GRID2: variants seen among roughly 807,000 people sequenced by gnomAD.
The protein encoded by GRID2 is glutamate receptor ionotropic, delta-2.
GRID2 carries 33 observed loss-of-function variants against 114.8 expected under a neutral mutation model. The observed-to-expected ratio is 0.29, with a 90% CI of 0.22 to 0.38. The LOEUF (loss-of-function observed/expected upper bound fraction) is 0.38. GRID2 is among the 10% of genes least tolerant of loss of function. The pLI is 1.00. For missense variants in GRID2, 1,184 were observed against 1,257.7 expected, an observed-to-expected ratio of 0.94 and a Z score of 0.89; for synonymous variants, 505 against 449.9, an observed-to-expected ratio of 1.12 and a Z score of -1.55.
chr4:92,423,369 G>T (rs1425128559), intron 1 of GRID2, among the ~76,000 whole-genome samples: 1 of 152,072 alleles, frequency 6.6e-6, no homozygotes, highest in South Asian at 2.1e-4. Context: ...TTTTCTATTA[G>T]AAGTTAGAGA....
chr4:92,813,741 T>C (rs962967160), intron 2 of GRID2, among the ~76,000 whole-genome samples: 7 of 152,090 alleles, frequency 4.6e-5, no homozygotes, highest in Non-Finnish European at 8.8e-5. Context: ...AACCATATTA[T>C]AAGTCAGTGT....
At chr4:93,463,046 G>A (rs1723901901) in intron 11 of GRID2, among the ~76,000 whole-genome samples, 1 of 152,112 alleles carries the variant, frequency 6.6e-6, no homozygotes, top group South Asian at 2.1e-4. Flanking sequence ...CAACATCTCT[G>A]TTGTTGTTAA....
chr4:92,880,617 A>T (rs1278500162), intron 2 of GRID2, among the ~76,000 whole-genome samples: 3 of 152,236 alleles, frequency 2.0e-5, no homozygotes, highest in African/African-American at 7.2e-5. Context: ...ATATTTAAGG[A>T]TACCAATTAG....
chr4:92,357,759 C>CTTTG (rs1728399971), intron 1 of GRID2, among the ~76,000 whole-genome samples: 1 of 151,690 alleles, frequency 6.6e-6, no homozygotes, highest in Non-Finnish European at 1.5e-5. Flanking sequence ...CTTTGAGTCA[C>CTTTG]AGTATTTTAA....
chr4:93,546,110 G>A (rs576240742), intron 13 of GRID2, among the ~76,000 whole-genome samples: 3 of 152,128 alleles, frequency 2.0e-5, no homozygotes, highest in African/African-American at 7.2e-5. Flanking sequence ...ACCTGATAGT[G>A]AATTGCATAT....
chr4:92,602,951 T>C (rs1312445988), intron 2 of GRID2, among the ~76,000 whole-genome samples: 2 of 152,084 alleles, frequency 1.3e-5, no homozygotes, highest in African/African-American at 2.4e-5. Flanking sequence ...CAATTCACAA[T>C]TGCTACAAAA....
At chr4:93,794,591 C>A (rs1356105858) in intron 1 of GRID2, among the ~76,000 whole-genome samples, 1 of 152,140 alleles carries the variant, frequency 6.6e-6, no homozygotes, top group African/African-American at 2.4e-5. Flanking sequence ...TTCTTCAAAG[C>A]GTCTCGGCGA....
At chr4:93,744,175 A>C (rs756631373) in intron 14 of GRID2, among the ~76,000 whole-genome samples, 2 of 152,176 alleles carry the variant, frequency 1.3e-5, no homozygotes, top group African/African-American at 2.4e-5. Flanking sequence ...ACGAACTCTA[A>C]TAGTAATGAA....
At chr4:92,527,866 G>A (rs902276362) in intron 1 of GRID2, among the ~76,000 whole-genome samples, 3 of 151,758 alleles carry the variant, frequency 2.0e-5, no homozygotes, top group African/African-American at 7.3e-5. Context: ...TGTGAACATA[G>A]CATTATTGCT....
chr4:93,189,181 T>C (rs1477545689), intron 4 of GRID2, among the ~76,000 whole-genome samples: 1 of 152,172 alleles, frequency 6.6e-6, no homozygotes, highest in South Asian at 2.1e-4. Flanking sequence ...AATTCTGTGT[T>C]TGTCAGTTTG....
intron 13 of GRID2, among the ~76,000 whole-genome samples, chr4:93,622,731 C>A (rs11728147): frequency 0.14 from 21,029 of 152,162 alleles, 1,795 homozygotes; most frequent in Non-Finnish European, 0.19. Flanking sequence ...GCACAGTTAA[C>A]TGGACTGAAG....
chr4:92,541,130 C>T lies in GRID2; in HGVS notation c.89-49001C>T, dbSNP rs573062257. Reference sequence around the variant, plus strand: ...GACACAGGAAGGAGAACATCACACACTGGGGCCTGTTGTAGGGTGGGGAGA... The same window carrying T: ...GACACAGGAAGGAGAACATCACACATTGGGGCCTGTTGTAGGGTGGGGAGA... On this transcript the variant is annotated intron_variant, in intron 1 of 15. Coordinates refer to ENST00000282020, the MANE Select transcript of GRID2 (RefSeq NM_001510.4). Among the ~76,000 whole-genome samples, 32 of 151,934 alleles carry T rather than the reference C, an allele frequency of 2.1e-4. No homozygotes were observed. The East Asian group carries it at 4.3e-3, about 20-fold the overall frequency.
chr4:93,781,173 A>G (rs1032401829), intron 1 of GRID2, among the ~76,000 whole-genome samples: 1 of 152,214 alleles, frequency 6.6e-6, no homozygotes, highest in Admixed American at 6.5e-5. Flanking sequence ...GAAAGGATAG[A>G]ATTGAGAATC....
chr4:92,384,955 T>A (rs1560599524), intron 1 of GRID2, among the ~76,000 whole-genome samples: 1 of 151,196 alleles, frequency 6.6e-6, no homozygotes, highest in African/African-American at 2.4e-5. Flanking sequence ...GCATCACCAA[T>A]ATACACAATG....
intron 1 of GRID2, among the ~76,000 whole-genome samples, chr4:92,545,793 G>A (rs1347244560): frequency 2.6e-5 from 4 of 152,182 alleles, no homozygotes; most frequent in South Asian, 2.1e-4. Context: ...GCAATTGCAC[G>A]TTCATATGTA....
At chr4:93,186,247 G>A (rs931245813) in intron 4 of GRID2, among the ~76,000 whole-genome samples, 3 of 151,958 alleles carry the variant, frequency 2.0e-5, no homozygotes, top group Non-Finnish European at 2.9e-5. Flanking sequence ...TATATACTTG[G>A]GTATATACCC....
chr4:93,152,867 T>TA (rs981850097), intron 4 of GRID2, among the ~76,000 whole-genome samples: 2 of 152,154 alleles, frequency 1.3e-5, no homozygotes, highest in African/African-American at 2.4e-5. Flanking sequence ...AAGCATAGTT[T>TA]AAAAAAATCC....
At chr4:93,357,998 T>A (rs1761512503) in intron 8 of GRID2, among the ~76,000 whole-genome samples, 1 of 151,554 alleles carries the variant, frequency 6.6e-6, no homozygotes, top group Non-Finnish European at 1.5e-5. Context: ...TTTCAAAATA[T>A]TATTATTCTT....
At position 92,993,470 on chromosome 4, in the gene GRID2, ATAAT is replaced by A. The variant is rs143504072; in HGVS notation, c.245-91524_245-91521del. Among the ~76,000 whole-genome samples the A allele has an allele frequency of 1.4e-3, 212 of 152,266 alleles. 1 individual carries two copies. Among genetic ancestry groups the A allele is most frequent in the African/African-American group, 5.0e-3 (209 of 41,566 alleles). Reference sequence around the variant, plus strand: ...AATATTTCTATTATAAAACTATTAAATAATAGGGAATACAAAATTTTTCAATATT... The same window carrying A: ...AATATTTCTATTATAAAACTATTAAAAGGGAATACAAAATTTTTCAATATT... On this transcript the variant is annotated intron_variant, in intron 2 of 15. Transcript: ENST00000282020.
Sources: allele counts gnomAD v4.1 joint callset (sites outside exome capture counted in the v4.1 genomes callset), GRCh38; gene constraint gnomAD v4.1.1; transcripts MANE v1.5; gene names NCBI Gene and HGNC (gene_info 2026-07-23, HGNC 2026-07-21).